The following PDE4D variants were observed in gnomAD, a reference collection of about 807,000 sequenced individuals.
The protein encoded by PDE4D is phosphodiesterase 4D.
Under a neutral mutation model 87.4 loss-of-function variants are expected in PDE4D, and 24 were observed. The observed-to-expected ratio is 0.27, with a 90% CI of 0.20 to 0.39. The LOEUF (loss-of-function observed/expected upper bound fraction) is 0.39, where lower values mean the gene tolerates loss of function less well. Among genes scored for constraint, PDE4D ranks in the 10% least tolerant of loss-of-function variants. The pLI is 1.00. For synonymous variants in PDE4D, 384 were observed against 383.2 expected (o/e 1.00, Z -0.02); for missense variants, 714 against 1,041.0 (o/e 0.69, Z 4.32).
At position 59,771,462 on chromosome 5, in the gene PDE4D, A is replaced by AG. The variant is rs1491353054; in HGVS notation, c.455+121705_455+121706insC. On this transcript the variant is annotated intron_variant, in intron 1 of 14. Transcript: ENST00000340635. Reference sequence around the variant, plus strand: ...GAAAGAAAGAAAGAAAGAAAGAAAGAAAGAAAGAAAGAAAGAAAGAAAGAG... The same window carrying AG: ...GAAAGAAAGAAAGAAAGAAAGAAAGAGAAGAAAGAAAGAAAGAAAGAAAGAG... 3.0e-4 allele frequency among the ~76,000 whole-genome samples: 24 copies of AG among 78,798 alleles called. 2 individuals are homozygous for AG. The highest frequency in any genetic ancestry group is 1.3e-3 in the African/African-American group (23 of 17,430). 51.7% of individuals were successfully genotyped at this position (78,798 alleles called of 152,430 possible). A position where few individuals can be genotyped will look rare whatever the true frequency, so the allele number is the denominator to read the frequency against.
intron 1 of PDE4D, among the ~76,000 whole-genome samples, chr5:59,439,314 C>A (rs183972219): frequency 2.7e-5 from 4 of 146,134 alleles, no homozygotes; most frequent in African/African-American, 5.2e-5. Context: ...GAGTGAAGAT[C>A]GTGCCACTGC....
chr5:59,806,830 T>C (rs1767790380), intron 1 of PDE4D, among the ~76,000 whole-genome samples: 1 of 152,228 alleles, frequency 6.6e-6, no homozygotes, highest in Admixed American at 6.5e-5. Flanking sequence ...TAGCTCAATT[T>C]AGCCATTACA....
At chr5:60,067,017 C>T (rs896211540) in intron 2 of PDE4D, among the ~76,000 whole-genome samples, 18 of 152,012 alleles carry the variant, frequency 1.2e-4, no homozygotes, top group South Asian at 6.2e-4. Flanking sequence ...TAATAAAATA[C>T]GAAAGAAAGT....
At chr5:59,366,063 T>C (rs775542157) in intron 1 of PDE4D, among the ~76,000 whole-genome samples, 1 of 152,166 alleles carries the variant, frequency 6.6e-6, no homozygotes, top group African/African-American at 2.4e-5. Flanking sequence ...ATGAACATTT[T>C]CAAAAATACA....
At chr5:60,454,452 T>C (rs769948330) in intron 1 of PDE4D, among the ~76,000 whole-genome samples, 27 of 152,166 alleles carry the variant, frequency 1.8e-4, no homozygotes, top group Non-Finnish European at 2.6e-4. Context: ...ATATATACCA[T>C]GGAATACTAT....
At chr5:59,734,614 A>T (rs1182807060) in intron 1 of PDE4D, among the ~76,000 whole-genome samples, 1 of 152,192 alleles carries the variant, frequency 6.6e-6, no homozygotes, top group African/African-American at 2.4e-5. Context: ...TAGATATGAG[A>T]GAACTGTCAA....
intron 1 of PDE4D, among the ~76,000 whole-genome samples, chr5:59,837,140 C>T (rs1371804853): frequency 6.6e-6 from 1 of 152,030 alleles, no homozygotes; most frequent in Non-Finnish European, 1.5e-5. Flanking sequence ...ACCCCACTTC[C>T]CTAAATTACA....
At chr5:59,628,306 C>T (rs527674013) in intron 1 of PDE4D, among the ~76,000 whole-genome samples, 1 of 152,254 alleles carries the variant, frequency 6.6e-6, no homozygotes, top group Non-Finnish European at 1.5e-5. Context: ...GCAGGCAGCA[C>T]CGGGTCTGAA....
intron 1 of PDE4D, among the ~76,000 whole-genome samples, chr5:59,732,751 T>C (rs968887700): frequency 1.2e-4 from 18 of 152,246 alleles, no homozygotes; most frequent in African/African-American, 4.1e-4. Context: ...GCTAATTAAA[T>C]AATGAAATCT....
chr5:60,068,193 AG>A (rs1772315439), intron 2 of PDE4D, among the ~76,000 whole-genome samples: 1 of 152,184 alleles, frequency 6.6e-6, no homozygotes, highest in South Asian at 2.1e-4. Flanking sequence ...ACAGTGTGCA[AG>A]GGTTCCAATT....
At chr5:59,383,909 A>C (rs958027867) in intron 1 of PDE4D, among the ~76,000 whole-genome samples, 5 of 152,072 alleles carry the variant, frequency 3.3e-5, no homozygotes, top group African/African-American at 1.2e-4. Context: ...TTGTTTTGAG[A>C]TAGGGTCTCC....
At chr5:59,427,032 CACACACACACACACACAT>C (rs1352689737) in intron 1 of PDE4D, among the ~76,000 whole-genome samples, 2 of 106,176 alleles carry the variant, frequency 1.9e-5, no homozygotes, top group African/African-American at 6.4e-5. Flanking sequence ...CACACACACA[CACACACACACACACACAT>C]TACATATATA....
At chr5:59,524,998 G>A (rs919475391) in intron 1 of PDE4D, among the ~76,000 whole-genome samples, 1 of 152,238 alleles carries the variant, frequency 6.6e-6, no homozygotes, top group African/African-American at 2.4e-5. Context: ...GGCCCTCGTG[G>A]AGAACCTCTG....
chr5:59,623,557 C>A (rs1283816164), intron 1 of PDE4D, among the ~76,000 whole-genome samples: 1 of 152,134 alleles, frequency 6.6e-6, no homozygotes, highest in African/African-American at 2.4e-5. Context: ...CTAAATAAAT[C>A]TATTATCTTC....
chr5:60,161,158 G>A (rs1256396867), intron 2 of PDE4D, among the ~76,000 whole-genome samples: 1 of 152,090 alleles, frequency 6.6e-6, no homozygotes, highest in Non-Finnish European at 1.5e-5. Context: ...TAACTCTCAT[G>A]GCTCCTTTCC....
chr5:60,019,367 C>T (rs1765817171), intron 2 of PDE4D, among the ~76,000 whole-genome samples: 1 of 152,134 alleles, frequency 6.6e-6, no homozygotes, highest in African/African-American at 2.4e-5. Context: ...TGCATTAGCC[C>T]TAAGAGTAGA....
At chr5:59,208,434 AG>A (rs1452012851) in intron 2 of PDE4D, among the ~76,000 whole-genome samples, 4 of 152,236 alleles carry the variant, frequency 2.6e-5, no homozygotes, top group Non-Finnish European at 4.4e-5. Flanking sequence ...TGGCAGTAAT[AG>A]CCAAGATATA....
At chr5:59,465,938 G>GA (rs1230780927) in intron 1 of PDE4D, among the ~76,000 whole-genome samples, 4 of 152,158 alleles carry the variant, frequency 2.6e-5, no homozygotes, top group African/African-American at 9.6e-5. Flanking sequence ...CGTTTGGTAC[G>GA]AGAGCAACAT....
chr5:58,995,773 A>C (rs549452058), intron 6 of PDE4D, among the ~76,000 whole-genome samples: 38 of 152,314 alleles, frequency 2.5e-4, no homozygotes, highest in Non-Finnish European at 4.7e-4. Context: ...CAAATCCCAT[A>C]AAGAATTTGG....
Sources: gnomAD v4.1 joint callset for allele counts (sites outside exome capture counted in the v4.1 genomes callset) on GRCh38, gnomAD v4.1.1 for gene constraint, MANE v1.5 for transcripts, NCBI Gene and HGNC (gene_info 2026-07-23, HGNC 2026-07-21) for gene names.